The following DAOA variants were observed in gnomAD, a reference collection of about 807,000 sequenced individuals.
DAOA encodes D-amino acid oxidase regulator.
DAOA carries 15 observed loss-of-function variants against 16.4 expected under a neutral mutation model. The ratio of observed to expected loss-of-function variants is 0.91; its 90% confidence interval spans 0.61 to 1.41. The LOEUF (loss-of-function observed/expected upper bound fraction) is 1.41, where lower values mean the gene tolerates loss of function less well. DAOA is among the 40% of genes most tolerant of loss of function. DAOA has a pLI of 0.00. For missense variants in DAOA, 230 were observed against 176.8 expected, an observed-to-expected ratio of 1.30 and a Z score of -1.71; for synonymous variants, 75 against 59.1, an observed-to-expected ratio of 1.27 and a Z score of -1.23.
At chr13:105,466,121 TG>T (rs1876492963) in intron 1 of DAOA, 61 bp downstream of exon 1, 2 of 968,358 alleles carry the variant, frequency 2.1e-6, no homozygotes, top group Non-Finnish European at 3.0e-6. Flanking sequence ...TGCATGGCAG[TG>T]TTCTGATGAT....
At chr13:105,477,101 C>T (rs920525577) in intron 4 of DAOA, 2 of 152,192 alleles carry the variant, frequency 1.3e-5, no homozygotes, top group African/African-American at 4.8e-5. Flanking sequence ...TGGTGGCTTA[C>T]ATCTTTCAAT....
At chr13:105,484,564 T>C (rs1284770924) in intron 4 of DAOA, among the ~76,000 whole-genome samples, 1 of 152,202 alleles carries the variant, frequency 6.6e-6, no homozygotes, top group South Asian at 2.1e-4. Context: ...AAATATTTTA[T>C]ATTTTTTGCT....
intron 4 of DAOA, among the ~76,000 whole-genome samples, chr13:105,479,207 G>A (rs183150924): frequency 3.7e-4 from 56 of 152,178 alleles, no homozygotes; most frequent in African/African-American, 1.3e-3. Context: ...TTGTTTCTTG[G>A]TTTTTTCAAG....
chr13:105,488,266 C>T (rs1320696507), intron 4 of DAOA, among the ~76,000 whole-genome samples: 1 of 152,146 alleles, frequency 6.6e-6, no homozygotes, highest in Non-Finnish European at 1.5e-5. Context: ...AAACATTCTC[C>T]TCACATGCAC....
At chr13:105,480,244 T>C (rs926999130) in intron 4 of DAOA, among the ~76,000 whole-genome samples, 1 of 152,186 alleles carries the variant, frequency 6.6e-6, no homozygotes, top group Admixed American at 6.5e-5. Context: ...GAGGCTGTCA[T>C]TTTCTAAATC....
chr13:105,467,001 C>A, intron 2 of DAOA, 52 bp from the exon 3 acceptor site: 1 of 1,575,190 alleles, frequency 6.3e-7, no homozygotes, highest in Non-Finnish European at 8.6e-7. Flanking sequence ...TTTCTCTCTT[C>A]TGCAGGGTAT....
intron 4 of DAOA, among the ~76,000 whole-genome samples, chr13:105,484,843 A>G (rs1360855343): frequency 6.6e-6 from 1 of 152,190 alleles, no homozygotes; most frequent in African/African-American, 2.4e-5. Flanking sequence ...ATCAAATTAA[A>G]TAGAAATATT....
chr13:105,489,149 C>T (rs988046272), intron 4 of DAOA, among the ~76,000 whole-genome samples: 1 of 152,148 alleles, frequency 6.6e-6, no homozygotes, highest in Non-Finnish European at 1.5e-5. Context: ...TTGGAAGTAA[C>T]ATCTGAGCTG....
In DAOA at chr13:105,470,988, T is replaced by C. The variant is rs564786702; in HGVS notation, c.134-1550T>C. ...TGTTTTTAGTACAGATGGGGTTTCA[T>C]CGTGTTAGCCATGATGGTCTTGATC... is the stretch of plus-strand genomic sequence containing the variant. On this transcript the variant is annotated intron_variant, in intron 3 of 5. Transcript: ENST00000375936. Among the ~76,000 whole-genome samples the C allele has an allele frequency of 2.8e-4, 43 of 152,134 alleles. No homozygotes were observed. The East Asian group carries it at 6.0e-3, about 21-fold the overall frequency.
intron 4 of DAOA, among the ~76,000 whole-genome samples, chr13:105,489,112 A>G (rs1482411625): frequency 6.6e-6 from 1 of 152,196 alleles, no homozygotes; most frequent in African/African-American, 2.4e-5. Context: ...TAACTCTATT[A>G]CTTAGTGTGT....
chr13:105,475,165 C>A, intron 4 of DAOA: 1 of 411,078 alleles, frequency 2.4e-6, no homozygotes, highest in Non-Finnish European at 3.3e-6. Flanking sequence ...GGCCTTCATT[C>A]TTAAACCACA....
intron 2 of DAOA, among the ~76,000 whole-genome samples, chr13:105,466,667 T>C (rs1229806589): frequency 1.3e-5 from 2 of 152,178 alleles, no homozygotes. Flanking sequence ...CATCTGCCTG[T>C]GCTAATTGTT....
intron 4 of DAOA, chr13:105,489,626 C>A: frequency 2.9e-6 from 2 of 680,014 alleles, no homozygotes; most frequent in Non-Finnish European, 4.7e-6. Flanking sequence ...GATGAACGTC[C>A]TCAATTCTCA....
upstream of DAOA, chr13:105,465,989 G>C (rs931566692): frequency 6.6e-6 from 2 of 304,188 alleles, no homozygotes; most frequent in African/African-American, 4.3e-5. Flanking sequence ...AATTTCCCAC[G>C]AATAACATTT....
At chr13:105,484,476 G>T (rs1410551592) in intron 4 of DAOA, among the ~76,000 whole-genome samples, 1 of 151,824 alleles carries the variant, frequency 6.6e-6, no homozygotes, top group East Asian at 1.9e-4. Context: ...CATTTATTTA[G>T]GTAATCATTA....
intron 3 of DAOA, among the ~76,000 whole-genome samples, chr13:105,469,744 A>G (rs1168248468): frequency 3.3e-5 from 5 of 152,182 alleles, no homozygotes; most frequent in African/African-American, 1.2e-4. Flanking sequence ...AAATTTGTCA[A>G]GAAAAAGAAA....
At chr13:105,466,700 A>C (rs570918880) in intron 2 of DAOA, among the ~76,000 whole-genome samples, 1 of 152,136 alleles carries the variant, frequency 6.6e-6, no homozygotes. Context: ...TTTGTTTAGC[A>C]CTGTGTAGAA....
chr13:105,471,214 C>A (rs1204885753), intron 3 of DAOA, among the ~76,000 whole-genome samples: 1 of 152,190 alleles, frequency 6.6e-6, no homozygotes, highest in African/African-American at 2.4e-5. Context: ...AGATGTGAGC[C>A]ACCACACCTG....
At chr13:105,474,287 G>T (rs1877192518) in intron 4 of DAOA, among the ~76,000 whole-genome samples, 1 of 151,936 alleles carries the variant, frequency 6.6e-6, no homozygotes, top group African/African-American at 2.4e-5. Flanking sequence ...GACAGAAATT[G>T]TTTCGATTTG....
Sources: allele counts gnomAD v4.1 joint callset (sites outside exome capture counted in the v4.1 genomes callset), GRCh38; gene constraint gnomAD v4.1.1; transcripts MANE v1.5; gene names NCBI Gene and HGNC (gene_info 2026-07-23, HGNC 2026-07-21).